The following DGKB variants were observed in gnomAD, a reference collection of about 807,000 sequenced individuals.
The protein encoded by DGKB is diacylglycerol kinase beta.
A neutral mutation model predicts 114.3 loss-of-function variants in DGKB; 67 were observed. The ratio of observed to expected loss-of-function variants is 0.59; its 90% CI spans 0.48 to 0.72. The LOEUF is 0.72. Among genes scored for constraint, DGKB ranks in the 30% least tolerant of loss-of-function variants. DGKB has a pLI of 0.00. For missense variants in DGKB, 907 were observed against 975.2 expected (o/e 0.93, Z 0.93); for synonymous variants, 398 against 323.1 (o/e 1.23, Z -2.49).
intron 13 of DGKB, among the ~76,000 whole-genome samples, chr7:14,632,294 G>A (rs1021696030): frequency 2.6e-5 from 4 of 151,822 alleles, no homozygotes; most frequent in Non-Finnish European, 5.9e-5. Context: ...ATGTCATTAG[G>A]TAGAAAATTG....
At chr7:14,245,008 T>TTC (rs1794261549) in intron 23 of DGKB, among the ~76,000 whole-genome samples, 1 of 152,172 alleles carries the variant, frequency 6.6e-6, no homozygotes, top group Non-Finnish European at 1.5e-5. Context: ...ATTACTTCTG[T>TTC]TCTTCATATC....
chr7:14,365,892 T>C (rs1224926445), intron 21 of DGKB, among the ~76,000 whole-genome samples: 1 of 152,148 alleles, frequency 6.6e-6, no homozygotes, highest in Non-Finnish European at 1.5e-5. Context: ...CAGTTTTTAA[T>C]TTTCTGTGGA....
At chr7:14,588,688 T>G (rs1259573322) in intron 17 of DGKB, among the ~76,000 whole-genome samples, 3 of 152,136 alleles carry the variant, frequency 2.0e-5, no homozygotes, top group Non-Finnish European at 1.5e-5. Context: ...AACTTTCTAC[T>G]ATGCAAAGTC....
At chr7:14,182,983 CAG>C (rs1782858951) in intron 23 of DGKB, among the ~76,000 whole-genome samples, 1 of 152,170 alleles carries the variant, frequency 6.6e-6, no homozygotes, top group African/African-American at 2.4e-5. Flanking sequence ...GCACCACTGT[CAG>C]AGGCCATGTG....
intron 1 of DGKB, among the ~76,000 whole-genome samples, chr7:14,944,808 C>T (rs36886): frequency 0.99 from 150,661 of 151,812 alleles, 74,761 homozygotes; most frequent in East Asian, 1. Flanking sequence ...AATGCTAAGA[C>T]TGATGGAAAA....
intron 21 of DGKB, among the ~76,000 whole-genome samples, chr7:14,376,106 T>C (rs144676272): frequency 3.3e-5 from 5 of 152,140 alleles, no homozygotes; most frequent in African/African-American, 4.8e-5. Context: ...CCTGCCTCCA[T>C]AGTTAATTTC....
chr7:14,800,886 G>A (rs1430605542), intron 2 of DGKB, among the ~76,000 whole-genome samples: 1 of 152,104 alleles, frequency 6.6e-6, no homozygotes, highest in African/African-American at 2.4e-5. Context: ...GAATGGAGGT[G>A]TGAGTCACCC....
At chr7:14,396,243 A>G (rs1368444182) in intron 21 of DGKB, among the ~76,000 whole-genome samples, 1 of 152,100 alleles carries the variant, frequency 6.6e-6, no homozygotes, top group African/African-American at 2.4e-5. Flanking sequence ...AGATTTGTTT[A>G]TTTGATACAA....
intron 1 of DGKB, among the ~76,000 whole-genome samples, chr7:14,954,765 T>C (rs1786403256): frequency 2.6e-5 from 4 of 152,042 alleles, no homozygotes; most frequent in Admixed American, 2.6e-4. Context: ...ATATATAAAA[T>C]TGTAGATACC....
At chr7:14,378,630 TA>T (rs768659186) in intron 21 of DGKB, among the ~76,000 whole-genome samples, 210 of 152,294 alleles carry the variant, frequency 1.4e-3, no homozygotes, top group Non-Finnish European at 1.6e-3. Flanking sequence ...CTCTCCTAGC[TA>T]CATTGATAAT....
chr7:14,357,309 G>C (rs1332280327), intron 21 of DGKB, among the ~76,000 whole-genome samples: 1 of 152,136 alleles, frequency 6.6e-6, no homozygotes, highest in Non-Finnish European at 1.5e-5. Context: ...ATTTAGGATA[G>C]TTAGCTCTTC....
At chr7:14,189,538 T>C (rs1784004056) in intron 23 of DGKB, among the ~76,000 whole-genome samples, 2 of 152,036 alleles carry the variant, frequency 1.3e-5, no homozygotes, top group East Asian at 1.9e-4. Context: ...ATGAACAAAA[T>C]GGCAGAAGTA....
intron 23 of DGKB, among the ~76,000 whole-genome samples, chr7:14,246,302 G>A (rs1283991561): frequency 1.3e-5 from 2 of 152,132 alleles, no homozygotes; most frequent in African/African-American, 2.4e-5. Flanking sequence ...AGGACTTTAT[G>A]TTATCTGTTT....
chr7:14,158,836 C>T (rs548748560), intron 25 of DGKB, among the ~76,000 whole-genome samples: 1 of 152,210 alleles, frequency 6.6e-6, no homozygotes, highest in South Asian at 2.1e-4. Context: ...GATCCAGAAA[C>T]CCAGATCATC....
chr7:14,724,933 G>T (rs1183395768), intron 5 of DGKB, among the ~76,000 whole-genome samples: 4 of 152,128 alleles, frequency 2.6e-5, no homozygotes, highest in Non-Finnish European at 4.4e-5. Context: ...GTTTTGGGAG[G>T]CCAAGGCAAA....
intron 2 of DGKB, among the ~76,000 whole-genome samples, chr7:14,828,203 A>G (rs1245981104): frequency 2.6e-5 from 4 of 152,102 alleles, no homozygotes; most frequent in African/African-American, 7.2e-5. Context: ...AATGGAACCA[A>G]TTGAGACTCA....
At chr7:14,368,090 CA>C (rs1324405894) in intron 21 of DGKB, among the ~76,000 whole-genome samples, 1 of 151,960 alleles carries the variant, frequency 6.6e-6, no homozygotes, top group Non-Finnish European at 1.5e-5. Flanking sequence ...TCTAGGTTCA[CA>C]GCAAAATTGT....
chr7:14,958,457 A>ACACG (rs1210868084), intron 1 of DGKB, among the ~76,000 whole-genome samples: 2 of 151,346 alleles, frequency 1.3e-5, no homozygotes, highest in Non-Finnish European at 3.0e-5. Flanking sequence ...ACACACACAC[A>ACACG]CACACACACA....
intron 20 of DGKB, among the ~76,000 whole-genome samples, chr7:14,538,062 G>A (rs979130371): frequency 9.2e-5 from 10 of 108,314 alleles, no homozygotes; most frequent in Non-Finnish European, 1.6e-4. Context: ...TCCAGTCTGG[G>A]CAACAAGAGC....
Sources: gnomAD v4.1 joint callset for allele counts (sites outside exome capture counted in the v4.1 genomes callset) on GRCh38, gnomAD v4.1.1 for gene constraint, MANE v1.5 for transcripts, NCBI Gene and HGNC (gene_info 2026-07-23, HGNC 2026-07-21) for gene names.